Variants in HYCC2 observed in about 807,000 individuals in gnomAD.
The protein encoded by HYCC2 is hyccin PI4KA lipid kinase complex subunit 2, also known as hyccin 2.
chr2:201,001,545 A>T, the HYCC2 span, among the ~76,000 whole-genome samples: 1 of 152,328 alleles, frequency 6.6e-6, no homozygotes, highest in South Asian at 2.1e-4. Flanking sequence ...ACAGAAACAA[A>T]CCTTGTAAAC....
the HYCC2 span, among the ~76,000 whole-genome samples, chr2:200,998,932 C>G: frequency 1.1e-4 from 16 of 152,152 alleles, no homozygotes; most frequent in East Asian, 1.9e-4. Context: ...ACTTTCAGAT[C>G]CCTTCACTTT....
the HYCC2 span, among the ~76,000 whole-genome samples, chr2:201,062,771 T>C: frequency 6.6e-6 from 1 of 150,858 alleles, no homozygotes; most frequent in African/African-American, 2.4e-5. Context: ...TGAGCTATAA[T>C]CGCACCACTG....
At chr2:201,027,581 C>A in the HYCC2 span, among the ~76,000 whole-genome samples, 1 of 152,112 alleles carries the variant, frequency 6.6e-6, no homozygotes, top group Non-Finnish European at 1.5e-5. Flanking sequence ...TACTGGCAAA[C>A]TGAATCCAGC....
chr2:201,035,479 T>G, the HYCC2 span, among the ~76,000 whole-genome samples: 189 of 152,308 alleles, frequency 1.2e-3, no homozygotes, highest in Non-Finnish European at 2.1e-3. Flanking sequence ...TTCTCTGCAT[T>G]GGTTATTCTA....
At chr2:200,997,498 A>T in the HYCC2 span, 1 of 1,613,712 alleles carries the variant, frequency 6.2e-7, no homozygotes, top group African/African-American at 1.3e-5. Context: ...TATATACAAT[A>T]GCAGAATTAT....
At chr2:200,980,920 T>C in the HYCC2 span, 2 of 271,640 alleles carry the variant, frequency 7.4e-6, no homozygotes, top group Non-Finnish European at 1.4e-5. Flanking sequence ...ATAGGGATCA[T>C]ATACACCATT....
chr2:201,038,877 T>G, the HYCC2 span, among the ~76,000 whole-genome samples: 12 of 151,674 alleles, frequency 7.9e-5, no homozygotes, highest in Non-Finnish European at 2.9e-5. Flanking sequence ...ACATGTACTC[T>G]AAAACTTAAA....
At chr2:201,027,781 CT>C in the HYCC2 span, among the ~76,000 whole-genome samples, 1 of 152,172 alleles carries the variant, frequency 6.6e-6, no homozygotes, top group African/African-American at 2.4e-5. Context: ...ATGCTAAAAA[CT>C]CTCAATAAAC....
At chr2:201,044,891 T>G in the HYCC2 span, among the ~76,000 whole-genome samples, 1 of 152,142 alleles carries the variant, frequency 6.6e-6, no homozygotes, top group Non-Finnish European at 1.5e-5. Context: ...TGAGCAAAAC[T>G]AACTGTGGTA....
At chr2:201,007,316 C>T in the HYCC2 span, among the ~76,000 whole-genome samples, 3 of 152,116 alleles carry the variant, frequency 2.0e-5, no homozygotes, top group African/African-American at 7.2e-5. Flanking sequence ...GTCCAGCCTA[C>T]CTTAAATGTG....
chr2:200,985,649 G>A, the HYCC2 span, among the ~76,000 whole-genome samples: 1 of 152,090 alleles, frequency 6.6e-6, no homozygotes, highest in African/African-American at 2.4e-5. Context: ...CGACGTGAGT[G>A]AGATCCTGCC....
chr2:201,007,520 T>C, the HYCC2 span, among the ~76,000 whole-genome samples: 94 of 152,326 alleles, frequency 6.2e-4, no homozygotes, highest in African/African-American at 2.2e-3. Flanking sequence ...CATTGTAAAG[T>C]TGAAAAACCT....
the HYCC2 span, chr2:200,988,197 A>G: frequency 4.9e-6 from 7 of 1,424,940 alleles, no homozygotes; most frequent in Non-Finnish European, 6.6e-6. Context: ...GTGCTAAGAC[A>G]GTCTGTAAAA....
the HYCC2 span, chr2:201,009,114 A>G: frequency 7.6e-7 from 1 of 1,320,916 alleles, no homozygotes. Context: ...ACAGTATGAG[A>G]CAATGTCTCT....
At chr2:201,050,073 G>A in the HYCC2 span, among the ~76,000 whole-genome samples, 1 of 151,868 alleles carries the variant, frequency 6.6e-6, no homozygotes, top group South Asian at 2.1e-4. Context: ...TAAGCTGGGT[G>A]TGGTGACACA....
chr2:201,011,339 G>T, the HYCC2 span: 1 of 1,049,584 alleles, frequency 9.5e-7, no homozygotes, highest in Non-Finnish European at 1.4e-6. Flanking sequence ...CTGACTTTTT[G>T]ATTTGTTACT....
the HYCC2 span, among the ~76,000 whole-genome samples, chr2:201,052,881 T>A: frequency 1.3e-5 from 2 of 152,146 alleles, no homozygotes; most frequent in African/African-American, 4.8e-5. Context: ...GATCCCTCTC[T>A]AGTAGTCAAA....
At chr2:201,049,494 G>A in the HYCC2 span, among the ~76,000 whole-genome samples, 2 of 151,004 alleles carry the variant, frequency 1.3e-5, no homozygotes, top group Admixed American at 6.6e-5. Context: ...GGGAATACAG[G>A]CGCGTGCCAC....
the HYCC2 span, among the ~76,000 whole-genome samples, chr2:201,000,100 A>T: frequency 6.8e-6 from 1 of 146,012 alleles, no homozygotes; most frequent in Non-Finnish European, 1.5e-5. Flanking sequence ...GGCTCCGTCC[A>T]GTAGGTCATT....
Sources: gnomAD v4.1 joint callset for allele counts (sites outside exome capture counted in the v4.1 genomes callset) on GRCh38, gnomAD v4.1.1 for gene constraint, MANE v1.5 for transcripts, NCBI Gene and HGNC (gene_info 2026-07-23, HGNC 2026-07-21) for gene names.